Variants in USP7 observed in about 807,000 individuals in gnomAD.
USP7 encodes ubiquitin specific peptidase 7, also known as ubiquitin C-terminal hydrolase 7.
A neutral mutation model predicts 162.9 loss-of-function variants in USP7; 9 were observed. The observed-to-expected ratio is 0.06, with a 90% CI of 0.03 to 0.10. The LOEUF (loss-of-function observed/expected upper bound fraction) is 0.10, where lower values mean the gene tolerates loss of function less well. Among genes scored for constraint, USP7 ranks in the 10% least tolerant of loss-of-function variants. The pLI, the probability that USP7 is intolerant of heterozygous loss-of-function variation, is 1.00. For missense variants in USP7, 715 were observed against 1,373.7 expected, an observed-to-expected ratio of 0.52 and a Z score of 7.58; for synonymous variants, 562 against 475.9, an observed-to-expected ratio of 1.18 and a Z score of -2.35.
chr16:8,927,577 T>G (rs1898083255), intron 2 of USP7, among the ~76,000 whole-genome samples: 1 of 152,200 alleles, frequency 6.6e-6, no homozygotes, highest in Admixed American at 6.5e-5. Flanking sequence ...GGCTCACACT[T>G]GTAGTCCCAG....
At position 8,895,628 on chromosome 16, in the gene USP7, T is replaced by A; in HGVS notation, c.2919+14A>T. ...TGAATTCTCTCTGGTGCCAACAGTA[T>A]CGGGGACAGATACCTCTATTCGAAA... On this transcript the variant is annotated intron_variant, in intron 27 of 30. Transcript: ENST00000344836. 6.2e-7 allele frequency: 1 copy of A among 1,602,694 alleles called. No individual in the cohort carries two copies. Among genetic ancestry groups the A allele is most frequent in the Non-Finnish European group, 8.5e-7 (1 of 1,171,396 alleles).
At chr16:8,899,856 G>C in intron 21 of USP7, 99 bp from the exon 22 acceptor site, 2 of 1,383,088 alleles carry the variant, frequency 1.4e-6, no homozygotes, top group Non-Finnish European at 2.1e-6. Flanking sequence ...ACACCAACAG[G>C]CTCTCTTGCA....
intron 1 of USP7, among the ~76,000 whole-genome samples, chr16:8,933,064 C>G (rs1898465144): frequency 6.6e-6 from 1 of 152,058 alleles, no homozygotes; most frequent in Non-Finnish European, 1.5e-5. Context: ...CCTCCATTTC[C>G]CAAATGGCTG....
At chr16:8,913,469 C>A (rs891699706) in intron 10 of USP7, among the ~76,000 whole-genome samples, 1 of 152,016 alleles carries the variant, frequency 6.6e-6, no homozygotes, top group Non-Finnish European at 1.5e-5. Context: ...AAGGACACTA[C>A]AGCCCACTTC....
At chr16:8,932,085 C>G (rs931551165) in intron 1 of USP7, among the ~76,000 whole-genome samples, 4 of 152,130 alleles carry the variant, frequency 2.6e-5, no homozygotes, top group African/African-American at 9.7e-5. Flanking sequence ...CTCTCCAAAA[C>G]CCCAACGCTT....
intron 1 of USP7, chr16:8,956,474 C>G (rs12446999): frequency 6.6e-6 from 1 of 152,128 alleles, no homozygotes; most frequent in African/African-American, 2.4e-5. Context: ...ATGCTAAGAA[C>G]TGAATTTGGG....
intron 21 of USP7, 44 bp from the exon 22 acceptor site, chr16:8,899,801 C>CA: frequency 6.2e-7 from 1 of 1,609,064 alleles, no homozygotes; most frequent in Non-Finnish European, 8.5e-7. Context: ...AAGTCCATGG[C>CA]AGGGGGTAGC....
At chr16:8,941,577 ACAT>A (rs1213453943) in intron 1 of USP7, among the ~76,000 whole-genome samples, 2 of 152,220 alleles carry the variant, frequency 1.3e-5, no homozygotes, top group East Asian at 1.9e-4. Context: ...CACGATAGCA[ACAT>A]CAGAGTGTAA....
intron 10 of USP7, among the ~76,000 whole-genome samples, chr16:8,913,132 G>T (rs1292547557): frequency 6.6e-6 from 1 of 152,226 alleles, no homozygotes; most frequent in Non-Finnish European, 1.5e-5. Context: ...AAGATGGGCA[G>T]ATCACCTGAG....
chr16:8,931,901 A>G (rs1898368389), intron 1 of USP7, among the ~76,000 whole-genome samples: 1 of 152,206 alleles, frequency 6.6e-6, no homozygotes, highest in Non-Finnish European at 1.5e-5. Context: ...TCCCTGGTGC[A>G]CTGGACACCA....
At chr16:8,941,124 C>T (rs1042633411) in intron 1 of USP7, among the ~76,000 whole-genome samples, 4 of 149,120 alleles carry the variant, frequency 2.7e-5, no homozygotes, top group Admixed American at 6.7e-5. Context: ...TCACATGGGG[C>T]CCATGCCCCA....
chr16:8,905,167 CA>C lies in USP7; in HGVS notation c.1573+19del. 1 of 1,610,300 alleles carries C rather than the reference CA, an allele frequency of 6.2e-7. No individual in the cohort carries two copies. The highest frequency in any genetic ancestry group is 8.5e-7 in the Non-Finnish European group (1 of 1,176,674). On this transcript the variant is annotated intron_variant, in intron 14 of 30. Coordinates refer to ENST00000344836, the MANE Select transcript of USP7 (RefSeq NM_003470.3). ...AAGTCCACCACAGTAAAGAACAGAACAAAAGTGAACACTACTCACTCAGTTT... is the reference window on the plus strand; with the variant it reads ...AAGTCCACCACAGTAAAGAACAGAACAAAGTGAACACTACTCACTCAGTTT...
Position 8,898,627 on chromosome 16 carries a change from G to A in USP7, c.2544C>T (p.Gly848=), listed in dbSNP as rs764004472. The change falls in exon 24 of 31, where the codon GGC becomes GGT. Residue 848 remains glycine (G), a synonymous_variant. Coordinates refer to ENST00000344836, the MANE Select transcript of USP7 (RefSeq NM_003470.3). The part of the protein sequence containing the change: ...QFFKSQGYRD[G]PGNPLRHNYE... ...AATTATGTCTAAGAGGATTACCTGGGCCATCCCTATAACTACACAAGAAAA... is the reference window on the plus strand; with the variant it reads ...AATTATGTCTAAGAGGATTACCTGGACCATCCCTATAACTACACAAGAAAA... 24 of 1,596,806 alleles carry A rather than the reference G, an allele frequency of 1.5e-5. No homozygotes were observed. The highest frequency in any genetic ancestry group is 4.3e-6 in the Non-Finnish European group (5 of 1,174,872).
At chr16:8,904,977 T>A (rs887755210) in intron 14 of USP7, among the ~76,000 whole-genome samples, 4 of 151,676 alleles carry the variant, frequency 2.6e-5, no homozygotes, top group Non-Finnish European at 5.9e-5. Context: ...CTCAAAAAAA[T>A]AAAATAAAAT....
intron 10 of USP7, among the ~76,000 whole-genome samples, chr16:8,912,819 T>C (rs116394727): frequency 6.6e-6 from 1 of 151,276 alleles, no homozygotes; most frequent in Non-Finnish European, 1.5e-5. Context: ...GATTTTCATT[T>C]AAAAAAAATC....
At chr16:8,904,642 A>C in intron 14 of USP7, 77 bp from the exon 15 acceptor site, 1 of 1,563,830 alleles carries the variant, frequency 6.4e-7, no homozygotes, top group African/African-American at 1.4e-5. Context: ...CTAGGTCATC[A>C]TTAATAAAAT....
At chr16:8,944,029 A>C (rs1471807609) in intron 1 of USP7, among the ~76,000 whole-genome samples, 2 of 152,178 alleles carry the variant, frequency 1.3e-5, no homozygotes, top group African/African-American at 4.8e-5. Flanking sequence ...GGGCAAACAT[A>C]GGGAGACCCC....
intron 24 of USP7, 41 bp from the exon 25 acceptor site, chr16:8,898,478 A>T: frequency 6.2e-7 from 1 of 1,606,310 alleles, no homozygotes; most frequent in Non-Finnish European, 8.5e-7. Context: ...ACCGTCACCA[A>T]AACCCCGAGC....
chr16:8,910,723 T>C (rs2061933170), intron 11 of USP7, 22 bp downstream of exon 11: 2 of 1,608,810 alleles, frequency 1.2e-6, no homozygotes, highest in East Asian at 2.2e-5. Flanking sequence ...AACAGGACAC[T>C]AGCACAAAAC....
Sources: gnomAD v4.1 joint callset for allele counts (sites outside exome capture counted in the v4.1 genomes callset) on GRCh38, gnomAD v4.1.1 for gene constraint, MANE v1.5 for transcripts, NCBI Gene and HGNC (gene_info 2026-07-23, HGNC 2026-07-21) for gene names.